The following HSPA12A variants were observed in gnomAD, a reference collection of about 807,000 sequenced individuals.
The protein encoded by HSPA12A is heat shock protein family A (Hsp70) member 12A.
A neutral mutation model predicts 69.2 loss-of-function variants in HSPA12A; 28 were observed. That is an observed-to-expected ratio of 0.40 (90% CI 0.30 to 0.55). The LOEUF (loss-of-function observed/expected upper bound fraction) is 0.55. Ranked by LOEUF, HSPA12A falls within the 20% of genes least tolerant of loss-of-function variation. HSPA12A has a pLI of 0.38. For synonymous variants in HSPA12A, 345 were observed against 370.5 expected, an observed-to-expected ratio of 0.93 and a Z score of 0.79; for missense variants, 686 against 900.7, an observed-to-expected ratio of 0.76 and a Z score of 3.05.
intron 1 of HSPA12A, among the ~76,000 whole-genome samples, chr10:116,840,171 T>C (rs1827971365): frequency 6.6e-6 from 1 of 152,204 alleles, no homozygotes; most frequent in South Asian, 2.1e-4. Context: ...TTTGCAGACT[T>C]ACAATTATCT....
intron 2 of HSPA12A, among the ~76,000 whole-genome samples, chr10:116,761,624 T>A (rs528428844): frequency 6.6e-6 from 1 of 151,480 alleles, no homozygotes; most frequent in South Asian, 2.1e-4. Flanking sequence ...AGTGCACGTC[T>A]GGCTGGAGGA....
In HSPA12A at chr10:116,805,795, G is replaced by C. The variant is rs17095288; in HGVS notation, c.91+29140C>G. Among the ~76,000 whole-genome samples the C allele has an allele frequency of 0.012, 1,860 of 152,246 alleles. 49 individuals are homozygous for C. In the East Asian group the frequency reaches 0.12, roughly 10 times the overall value. ...AAGAAGCCCTTCAACTACAGTGTAG[G>C]CTTCTGTAATCAAATCAAGTCTTTT... On this transcript the variant is annotated intron_variant, in intron 2 of 12. Transcript: ENST00000635765.
rs182494457 is a variant in HSPA12A, at chr10:116,790,984, C to A, written c.91+43951G>T. Among the ~76,000 whole-genome samples the A allele has an allele frequency of 2.0e-3, 309 of 152,340 alleles. 1 individual carries two copies. Among genetic ancestry groups the A allele is most frequent in the Middle Eastern group, 3.4e-3 (1 of 294 alleles). On this transcript the variant is annotated intron_variant, in intron 2 of 12. Coordinates refer to the HSPA12A transcript ENST00000635765. ...GGGATTAGAGGCATGAGCCACTGCA[C>A]CTGGCCCGTCCAGTTATCTTTGTAT... is the stretch of plus-strand genomic sequence containing the variant.
intron 2 of HSPA12A, among the ~76,000 whole-genome samples, chr10:116,758,453 G>T (rs1383004350): frequency 1.3e-5 from 2 of 152,160 alleles, no homozygotes; most frequent in Admixed American, 1.3e-4. Flanking sequence ...ACCCGGCCAG[G>T]AGGTGGCATG....
chr10:116,757,977 T>A (rs528954679), intron 2 of HSPA12A, among the ~76,000 whole-genome samples: 1 of 152,332 alleles, frequency 6.6e-6, no homozygotes, highest in East Asian at 1.9e-4. Context: ...AGCCTCTGCA[T>A]AGTAAGATGA....
At chr10:116,721,119 T>A (rs1299444434) in intron 1 of HSPA12A, among the ~76,000 whole-genome samples, 1 of 152,232 alleles carries the variant, frequency 6.6e-6, no homozygotes, top group Admixed American at 6.5e-5. Context: ...CTTACATTTG[T>A]ACAAAAAGAA....
chr10:116,692,278 G>A (rs1849758650), intron 6 of HSPA12A, 73 bp downstream of exon 6: 1 of 1,169,908 alleles, frequency 8.5e-7, no homozygotes, highest in South Asian at 1.3e-5. Flanking sequence ...TACCTGGGCG[G>A]GGCTACAGTC....
At chr10:116,750,143 G>A (rs1851741907) in intron 2 of HSPA12A, 1 of 592,622 alleles carries the variant, frequency 1.7e-6, no homozygotes, top group Non-Finnish European at 3.1e-6. Flanking sequence ...TTATGCTCAT[G>A]AGCTACCAAA....
chr10:116,824,047 AC>A (rs1845456565), intron 2 of HSPA12A, among the ~76,000 whole-genome samples: 1 of 152,234 alleles, frequency 6.6e-6, no homozygotes, highest in South Asian at 2.1e-4. Context: ...AAGAACTCTT[AC>A]AAATCAATAA....
intron 2 of HSPA12A, among the ~76,000 whole-genome samples, chr10:116,812,813 C>T (rs112671220): frequency 0.01 from 1,523 of 152,156 alleles, 20 homozygotes; most frequent in African/African-American, 0.032. Context: ...GTCAAAGAGG[C>T]GCAGACACAG....
intron 1 of HSPA12A, among the ~76,000 whole-genome samples, chr10:116,840,365 T>C (rs1183762250): frequency 1.3e-5 from 2 of 152,196 alleles, no homozygotes; most frequent in East Asian, 1.9e-4. Flanking sequence ...AGCTTACACA[T>C]TGATAAATAT....
At chr10:116,807,033 T>C (rs1208218669) in intron 2 of HSPA12A, among the ~76,000 whole-genome samples, 1 of 152,190 alleles carries the variant, frequency 6.6e-6, no homozygotes, top group Non-Finnish European at 1.5e-5. Context: ...ACTGGAGTGA[T>C]GCAGACGTCA....
At chr10:116,679,898 T>G in intron 9 of HSPA12A, 137 bp from the exon 10 acceptor site, 1 of 780,632 alleles carries the variant, frequency 1.3e-6, no homozygotes, top group Non-Finnish European at 2.1e-6. Context: ...TTACTTACAC[T>G]TCAGAACCCT....
At chr10:116,708,438 C>A (rs1000986767) in intron 1 of HSPA12A, among the ~76,000 whole-genome samples, 3 of 152,182 alleles carry the variant, frequency 2.0e-5, no homozygotes, top group African/African-American at 7.2e-5. Context: ...TGGAATGGTT[C>A]CATCTGCCTC....
At chr10:116,711,423 A>C (rs1850423105) in intron 1 of HSPA12A, among the ~76,000 whole-genome samples, 1 of 152,220 alleles carries the variant, frequency 6.6e-6, no homozygotes, top group African/African-American at 2.4e-5. Context: ...GGAGGTAGAG[A>C]AGGAAGATTG....
chr10:116,750,294 T>A (rs1379929674), intron 2 of HSPA12A: 12 of 796,126 alleles, frequency 1.5e-5, no homozygotes, highest in Non-Finnish European at 2.6e-5. Context: ...GAATACAATG[T>A]AGAAAGCACT....
chr10:116,785,129 T>G (rs1860261), intron 2 of HSPA12A, among the ~76,000 whole-genome samples: 1 of 151,912 alleles, frequency 6.6e-6, no homozygotes, highest in Non-Finnish European at 1.5e-5. Flanking sequence ...AAACCCTCAT[T>G]GTGCCCTGCT....
intron 1 of HSPA12A, among the ~76,000 whole-genome samples, chr10:116,842,892 C>T (rs1845826139): frequency 1.3e-5 from 2 of 152,208 alleles, no homozygotes; most frequent in Admixed American, 1.3e-4. Flanking sequence ...CACACCCAGC[C>T]AGCCAAAGTT....
At chr10:116,699,481 CA>C (rs1263786549) in intron 4 of HSPA12A, among the ~76,000 whole-genome samples, 4 of 126,134 alleles carry the variant, frequency 3.2e-5, no homozygotes, top group African/African-American at 9.5e-5. Context: ...CCAACAAACT[CA>C]TTACTGCCAG....
Sources: gnomAD v4.1 joint callset for allele counts (sites outside exome capture counted in the v4.1 genomes callset) on GRCh38, gnomAD v4.1.1 for gene constraint, MANE v1.5 for transcripts, NCBI Gene and HGNC (gene_info 2026-07-23, HGNC 2026-07-21) for gene names.